EXOC4: variants seen among roughly 807,000 people sequenced by gnomAD.
EXOC4 encodes SEC8-like 1.
In EXOC4, 71 loss-of-function variants were observed where a neutral mutation model predicts 107.2. The ratio of observed to expected loss-of-function variants is 0.66; its 90% CI spans 0.55 to 0.81. EXOC4 has a LOEUF of 0.81. EXOC4 is among the 30% of genes least tolerant of loss of function. EXOC4 has a pLI of 0.00. For synonymous variants in EXOC4, 456 were observed against 441.2 expected (o/e 1.03, Z -0.42); for missense variants, 1,108 against 1,189.6 (o/e 0.93, Z 1.01).
In EXOC4 at chr7:133,859,078, C is replaced by T. The variant is rs571773014; in HGVS notation, c.1735-36521C>T. ...TTCAAAAACCTTATTCTACTTGTCTCGTTGTTTCTCTTTTCGGTTGAGTTA... is the reference window on the plus strand; with the variant it reads ...TTCAAAAACCTTATTCTACTTGTCTTGTTGTTTCTCTTTTCGGTTGAGTTA... On this transcript the variant is annotated intron_variant, in intron 11 of 17. Coordinates refer to ENST00000253861, the MANE Select transcript of EXOC4 (RefSeq NM_021807.4). Among the ~76,000 whole-genome samples, 8 of 152,238 alleles carry T rather than the reference C, an allele frequency of 5.3e-5. No individual in the cohort carries two copies. In the East Asian group the frequency reaches 5.8e-4, roughly 11 times the overall value.
At chr7:133,324,928 C>T (rs1795202537) in intron 5 of EXOC4, among the ~76,000 whole-genome samples, 1 of 152,196 alleles carries the variant, frequency 6.6e-6, no homozygotes, top group Admixed American at 6.5e-5. Context: ...GGATAGTTAG[C>T]TCTTCTTGTT....
the EXOC4 span, among the ~76,000 whole-genome samples, chr7:134,092,601 C>T: frequency 1.3e-5 from 2 of 152,092 alleles, no homozygotes; most frequent in African/African-American, 4.8e-5. Context: ...TTTCATATCC[C>T]ACCAAAGTAA....
intron 17 of EXOC4, among the ~76,000 whole-genome samples, chr7:134,053,579 T>C (rs1795850703): frequency 6.7e-6 from 1 of 149,628 alleles, no homozygotes; most frequent in Non-Finnish European, 1.5e-5. Context: ...TATATTTAAA[T>C]ATATAATTTT....
chr7:133,328,190 C>A (rs1418775438), intron 5 of EXOC4, among the ~76,000 whole-genome samples: 1 of 151,098 alleles, frequency 6.6e-6, no homozygotes, highest in Non-Finnish European at 1.5e-5. Flanking sequence ...ATGTACTGGC[C>A]TTGTCTCTTT....
intron 9 of EXOC4, among the ~76,000 whole-genome samples, chr7:133,598,797 C>G (rs775540830): frequency 1.1e-4 from 16 of 152,036 alleles, no homozygotes; most frequent in Admixed American, 6.6e-4. Context: ...GCCTGGCCAA[C>G]ATGGTGAAAC....
chr7:133,464,819 T>G lies in EXOC4; in HGVS notation c.1183-10509T>G, dbSNP rs1240393698. On this transcript the variant is annotated intron_variant, in intron 7 of 17. Transcript: ENST00000253861. The stretch of plus-strand genomic sequence containing the variant: ...TTTTGTTGGTTGGGTTGGTTTTTTT[T>G]TTTTTTTTTTTTTTTTTGGAGTTAG... Among the ~76,000 whole-genome samples the G allele has an allele frequency of 2.0e-3, 240 of 117,626 alleles. 4 individuals carry two copies. The highest frequency in any genetic ancestry group is 6.8e-3 in the African/African-American group (214 of 31,582). The allele number at this position is 117,626 out of a possible 152,430, so 77.2% of individuals were successfully genotyped here.
intron 9 of EXOC4, among the ~76,000 whole-genome samples, chr7:133,567,824 G>C (rs560609681): frequency 1.3e-5 from 2 of 152,158 alleles, no homozygotes; most frequent in East Asian, 3.8e-4. Context: ...GCTCACTCCT[G>C]TGATAACTAA....
the EXOC4 span, among the ~76,000 whole-genome samples, chr7:134,073,902 C>T: frequency 1.3e-5 from 2 of 152,224 alleles, no homozygotes; most frequent in Non-Finnish European, 1.5e-5. Flanking sequence ...GCTCCTTCTG[C>T]GACACAGTGA....
intron 7 of EXOC4, among the ~76,000 whole-genome samples, chr7:133,389,770 C>T (rs1299782303): frequency 1.2e-4 from 18 of 151,666 alleles, no homozygotes; most frequent in Admixed American, 6.6e-4. Flanking sequence ...AGACATACTC[C>T]AAACTGGGCA....
At chr7:133,474,745 T>C (rs1375345265) in intron 7 of EXOC4, among the ~76,000 whole-genome samples, 1 of 152,148 alleles carries the variant, frequency 6.6e-6, no homozygotes, top group East Asian at 1.9e-4. Context: ...TTTTGCAGGT[T>C]TGTTTTAGTA....
intron 6 of EXOC4, among the ~76,000 whole-genome samples, chr7:133,370,659 C>T (rs934352251): frequency 6.6e-6 from 1 of 152,202 alleles, no homozygotes; most frequent in East Asian, 1.9e-4. Flanking sequence ...CAGGTTTGCA[C>T]TAAGCAGTTC....
At chr7:133,375,791 G>T (rs1796476936) in intron 7 of EXOC4, among the ~76,000 whole-genome samples, 1 of 152,098 alleles carries the variant, frequency 6.6e-6, no homozygotes, top group East Asian at 1.9e-4. Flanking sequence ...ATTTGTTGAA[G>T]ATTAGAGGAA....
At chr7:133,828,935 G>A (rs1042286967) in intron 11 of EXOC4, among the ~76,000 whole-genome samples, 1 of 152,118 alleles carries the variant, frequency 6.6e-6, no homozygotes, top group African/African-American at 2.4e-5. Context: ...AACAGTAAAG[G>A]ACACTTTATA....
At chr7:133,675,677 T>C (rs1268630859) in intron 10 of EXOC4, among the ~76,000 whole-genome samples, 1 of 152,200 alleles carries the variant, frequency 6.6e-6, no homozygotes, top group Non-Finnish European at 1.5e-5. Context: ...ACATATCTGA[T>C]GGCTCTGCCA....
At chr7:134,035,145 A>G (rs967863924) in intron 17 of EXOC4, among the ~76,000 whole-genome samples, 1 of 149,090 alleles carries the variant, frequency 6.7e-6, no homozygotes, top group African/African-American at 2.5e-5. Flanking sequence ...TCCTGGGTTC[A>G]AGCCATTCTC....
chr7:133,396,077 AG>A (rs1287206706), intron 7 of EXOC4: 1 of 152,180 alleles, frequency 6.6e-6, no homozygotes, highest in East Asian at 1.9e-4. Flanking sequence ...CAGCAGCATC[AG>A]CATCACTTAG....
intron 9 of EXOC4, among the ~76,000 whole-genome samples, chr7:133,572,425 G>GA (rs1368848742): frequency 1.3e-5 from 2 of 151,894 alleles, no homozygotes; most frequent in East Asian, 1.9e-4. Context: ...TAAGCTTAGG[G>GA]AAAAAAACTT....
chr7:133,570,449 T>A (rs1245912834), intron 9 of EXOC4, among the ~76,000 whole-genome samples: 2 of 152,222 alleles, frequency 1.3e-5, no homozygotes, highest in Non-Finnish European at 2.9e-5. Flanking sequence ...CATGTCGTGC[T>A]CTTTCACCAT....
intron 13 of EXOC4, among the ~76,000 whole-genome samples, chr7:133,924,259 T>C (rs1351706674): frequency 6.6e-6 from 1 of 152,220 alleles, no homozygotes; most frequent in Non-Finnish European, 1.5e-5. Context: ...GAAGAAAAAT[T>C]ATTTTTTCCC....
Sources: gnomAD v4.1 joint callset for allele counts (sites outside exome capture counted in the v4.1 genomes callset) on GRCh38, gnomAD v4.1.1 for gene constraint, MANE v1.5 for transcripts, NCBI Gene and HGNC (gene_info 2026-07-23, HGNC 2026-07-21) for gene names.